Variants in AOPEP observed in about 807,000 individuals in gnomAD.
AOPEP encodes aminopeptidase O (putative).
A neutral mutation model predicts 98.1 loss-of-function variants in AOPEP; 77 were observed. The observed-to-expected ratio is 0.78, with a 90% CI of 0.65 to 0.95. AOPEP has a LOEUF of 0.95. Among genes scored for constraint, AOPEP ranks in the 40% least tolerant of loss-of-function variants. AOPEP has a pLI of 0.00. For synonymous variants in AOPEP, 346 were observed against 365.3 expected, an observed-to-expected ratio of 0.95 and a Z score of 0.60; for missense variants, 1,024 against 1,024.7, an observed-to-expected ratio of 1.00 and a Z score of 0.01.
At position 94,833,712 on chromosome 9, in the gene AOPEP, C is replaced by A. The variant is rs562231824; in HGVS notation, c.1364+32710C>A. 4.6e-5 allele frequency among the ~76,000 whole-genome samples: 7 copies of A among 152,254 alleles called. No homozygotes were observed. The South Asian group carries it at 1.5e-3, about 32-fold the overall frequency. On this transcript the variant is annotated intron_variant, in intron 5 of 16. Coordinates refer to ENST00000375315, the MANE Select transcript of AOPEP (RefSeq NM_001193329.3). ...ATGAGTTCATAATAATAAAAATAAA[C>A]TTGTATCATTGGCCACCTTTTAAGG...
intron 11 of AOPEP, among the ~76,000 whole-genome samples, chr9:94,981,167 C>G (rs575484876): frequency 6.6e-6 from 1 of 152,188 alleles, no homozygotes; most frequent in Non-Finnish European, 1.5e-5. Flanking sequence ...CTCTCACTGC[C>G]GGGGGCTCTG....
chr9:94,953,530 T>G (rs1449041050), intron 7 of AOPEP, among the ~76,000 whole-genome samples: 1 of 152,204 alleles, frequency 6.6e-6, no homozygotes, highest in African/African-American at 2.4e-5. Context: ...TGCTAGGGGC[T>G]TTGCAATGTA....
At chr9:94,847,491 T>C (rs1306819321) in intron 5 of AOPEP, among the ~76,000 whole-genome samples, 1 of 152,234 alleles carries the variant, frequency 6.6e-6, no homozygotes, top group East Asian at 1.9e-4. Context: ...TGAACTCTAC[T>C]TCTTTATTCT....
intron 5 of AOPEP, among the ~76,000 whole-genome samples, chr9:94,873,299 C>G (rs1208879859): frequency 6.6e-6 from 1 of 152,188 alleles, no homozygotes; most frequent in Non-Finnish European, 1.5e-5. Flanking sequence ...TTTCCCCAAG[C>G]TTCTATTTTT....
rs1323872451 is a variant in AOPEP, at chr9:95,082,567, C to T, written c.2320-8C>T. 2.5e-6 allele frequency: 4 copies of T among 1,613,746 alleles called. No homozygotes were observed. Among genetic ancestry groups the T allele is most frequent in the Admixed American group, 1.7e-5 (1 of 60,000 alleles). ...CGCCTGATGCCCTTTGGCCTCTGTG[C>T]CCTGCAGGCCATGGGTGTGTACCTC... On this transcript the variant is annotated splice_polypyrimidine_tract_variant and splice_region_variant and intron_variant, in intron 15 of 16. Coordinates refer to ENST00000375315, the MANE Select transcript of AOPEP (RefSeq NM_001193329.3).
rs560797463 is a variant in AOPEP at position 94,929,085 on chromosome 9, G to A, written c.1661+554G>A. 4.1e-4 allele frequency among the ~76,000 whole-genome samples: 63 copies of A among 152,252 alleles called. 1 individual carries two copies. Among genetic ancestry groups the A allele is most frequent in the Admixed American group, 1.3e-3 (20 of 15,308 alleles). On this transcript the variant is annotated intron_variant, in intron 7 of 16. Transcript: ENST00000375315. The stretch of plus-strand genomic sequence containing the variant: ...GGATTATTTCATGCCATTTTTCCAC[G>A]TTTGTCCCTCTCTGCTTTGCTCCTT...
chr9:95,112,697 G>C, the AOPEP span, among the ~76,000 whole-genome samples: 3 of 152,178 alleles, frequency 2.0e-5, no homozygotes, highest in Admixed American at 2.0e-4. Context: ...CAGCTCCCAG[G>C]TTGGCAGCGT....
intron 13 of AOPEP, among the ~76,000 whole-genome samples, chr9:95,045,548 TG>T (rs2065783545): frequency 6.6e-6 from 1 of 152,246 alleles, no homozygotes; most frequent in Admixed American, 6.5e-5. Context: ...AGGATGCTGG[TG>T]GCTGGGTCCT....
chr9:94,968,365 C>T (rs564682929), intron 10 of AOPEP, among the ~76,000 whole-genome samples: 3 of 152,256 alleles, frequency 2.0e-5, no homozygotes, highest in African/African-American at 7.2e-5. Flanking sequence ...TCTCCTGCCT[C>T]AGCCTCCCAA....
intron 1 of AOPEP, among the ~76,000 whole-genome samples, chr9:94,738,582 A>AT (rs551848247): frequency 2.0e-5 from 3 of 151,242 alleles, no homozygotes; most frequent in South Asian, 2.1e-4. Flanking sequence ...TATTATTATT[A>AT]TTTTTTTTTG....
At chr9:95,137,778 G>C in the AOPEP span, among the ~76,000 whole-genome samples, 574 of 152,324 alleles carry the variant, frequency 3.8e-3, 2 homozygotes, top group African/African-American at 0.013. Flanking sequence ...AGGGGAGGAG[G>C]AGCAGCTGCA....
At chr9:94,831,379 T>C (rs1325029052) in intron 5 of AOPEP, among the ~76,000 whole-genome samples, 1 of 152,198 alleles carries the variant, frequency 6.6e-6, no homozygotes, top group Admixed American at 6.5e-5. Context: ...TGTGGTCTTA[T>C]TTCCGAGTTA....
chr9:95,139,956 G>A, the AOPEP span, among the ~76,000 whole-genome samples: 14 of 151,030 alleles, frequency 9.3e-5, no homozygotes, highest in East Asian at 7.7e-4. Context: ...TGTTCAATAC[G>A]TTAGTGACAG....
At chr9:94,853,517 C>T (rs530832322) in intron 5 of AOPEP, among the ~76,000 whole-genome samples, 40 of 152,182 alleles carry the variant, frequency 2.6e-4, no homozygotes, top group African/African-American at 9.4e-4. Context: ...TCACTGTGTA[C>T]TGTCCTTTTA....
intron 11 of AOPEP, among the ~76,000 whole-genome samples, chr9:94,990,615 A>T (rs1031974939): frequency 1.7e-5 from 1 of 59,790 alleles, no homozygotes; most frequent in Admixed American, 1.5e-4. Flanking sequence ...ATTTAATTTA[A>T]TTAATTAATT....
intron 6 of AOPEP, among the ~76,000 whole-genome samples, chr9:94,924,966 G>A (rs1023726232): frequency 5.9e-5 from 9 of 152,168 alleles, no homozygotes; most frequent in African/African-American, 1.4e-4. Flanking sequence ...AAGCTGCTTC[G>A]TGCTTACTTT....
chr9:94,917,952 C>T (rs894925403), intron 5 of AOPEP, among the ~76,000 whole-genome samples: 6 of 152,136 alleles, frequency 3.9e-5, no homozygotes, highest in Non-Finnish European at 8.8e-5. Flanking sequence ...TCCTTGTCTA[C>T]TTCCCTCATC....
At chr9:95,077,515 G>A (rs118154071) in intron 14 of AOPEP, among the ~76,000 whole-genome samples, 2,682 of 152,256 alleles carry the variant, frequency 0.018, 32 homozygotes, top group Non-Finnish European at 0.026. Context: ...TCTGACTGAG[G>A]AAATTACAGA....
chr9:95,029,515 G>T (rs2064122824), intron 13 of AOPEP, among the ~76,000 whole-genome samples: 1 of 152,076 alleles, frequency 6.6e-6, no homozygotes, highest in Admixed American at 6.5e-5. Flanking sequence ...CCTCACACCT[G>T]CCATCCATTC....
Sources: allele counts gnomAD v4.1 joint callset (sites outside exome capture counted in the v4.1 genomes callset), GRCh38; gene constraint gnomAD v4.1.1; transcripts MANE v1.5; gene names NCBI Gene and HGNC (gene_info 2026-07-23, HGNC 2026-07-21).